Variants in BAZ2B observed in about 807,000 individuals in gnomAD.
The protein encoded by BAZ2B is bromodomain adjacent to zinc finger domain protein 2B.
In BAZ2B, 91 loss-of-function variants were observed where a neutral mutation model predicts 246.0. The ratio of observed to expected loss-of-function variants is 0.37; its 90% CI spans 0.31 to 0.44. The LOEUF (loss-of-function observed/expected upper bound fraction) is 0.44, where lower values mean the gene tolerates loss of function less well. BAZ2B is among the 20% of genes least tolerant of loss of function. The pLI, the probability that BAZ2B is intolerant of heterozygous loss-of-function variation, is 1.00. For synonymous variants in BAZ2B, 855 were observed against 860.0 expected, an observed-to-expected ratio of 0.99 and a Z score of 0.10; for missense variants, 2,332 against 2,533.7, an observed-to-expected ratio of 0.92 and a Z score of 1.71.
intron 2 of BAZ2B, among the ~76,000 whole-genome samples, chr2:159,492,860 G>GTTATCTGTTT (rs2080653289): frequency 6.6e-6 from 1 of 151,996 alleles, no homozygotes; most frequent in Non-Finnish European, 1.5e-5. Context: ...TATTTTTGTT[G>GTTATCTGTTT]TTATCTGTTT....
intron 31 of BAZ2B, 152 bp from the exon 32 acceptor site, chr2:159,337,924 A>G: frequency 1.4e-6 from 1 of 702,594 alleles, no homozygotes; most frequent in East Asian, 2.9e-5. Flanking sequence ...CTAGGTGGAA[A>G]TAAGAAGAAA....
the BAZ2B span, among the ~76,000 whole-genome samples, chr2:159,708,292 T>C: frequency 2.0e-5 from 3 of 152,184 alleles, no homozygotes; most frequent in Non-Finnish European, 2.9e-5. Flanking sequence ...TGAGGCCTCA[T>C]GTACTTAAAA....
chr2:159,356,414 C>T (rs1319589265), intron 27 of BAZ2B, among the ~76,000 whole-genome samples: 1 of 152,218 alleles, frequency 6.6e-6, no homozygotes, highest in Admixed American at 6.5e-5. Flanking sequence ...CTCAGCAAAG[C>T]CGCTGTAGCC....
At chr2:159,710,642 C>T in the BAZ2B span, 2 of 152,160 alleles carry the variant, frequency 1.3e-5, no homozygotes, top group Non-Finnish European at 2.9e-5. Flanking sequence ...ACATATTCAT[C>T]AGTGGTCTTT....
At chr2:159,465,932 A>G (rs2076985450) in intron 3 of BAZ2B, among the ~76,000 whole-genome samples, 1 of 151,878 alleles carries the variant, frequency 6.6e-6, no homozygotes, top group South Asian at 2.1e-4. Flanking sequence ...AAAAAATTCA[A>G]GAGACTTTAT....
chr2:159,697,372 T>C, the BAZ2B span, among the ~76,000 whole-genome samples: 2 of 152,168 alleles, frequency 1.3e-5, no homozygotes, highest in Non-Finnish European at 2.9e-5. Context: ...TTCCAAAAGA[T>C]ACTATACTCC....
At chr2:159,339,907 C>T (rs2066328767) in intron 31 of BAZ2B, among the ~76,000 whole-genome samples, 2 of 151,908 alleles carry the variant, frequency 1.3e-5, no homozygotes, top group Non-Finnish European at 2.9e-5. Flanking sequence ...TTGGTGGTTA[C>T]CAGAGGCTGA....
intron 25 of BAZ2B, among the ~76,000 whole-genome samples, chr2:159,375,358 T>C (rs765391730): frequency 1.3e-5 from 2 of 152,330 alleles, no homozygotes; most frequent in South Asian, 2.1e-4. Context: ...GGAGGCTTTA[T>C]GAAGAAGTCA....
At chr2:159,615,555 A>C (rs1156714279) in intron 1 of BAZ2B, 1 of 152,094 alleles carries the variant, frequency 6.6e-6, no homozygotes, top group African/African-American at 2.4e-5. Flanking sequence ...TAGAGGCCCA[A>C]GCCGGGGAGT....
intron 4 of BAZ2B, among the ~76,000 whole-genome samples, chr2:159,451,228 T>C (rs185524489): frequency 9.8e-5 from 15 of 152,318 alleles, no homozygotes; most frequent in Admixed American, 3.9e-4. Flanking sequence ...CATGAAATAC[T>C]ATTTCAATAT....
chr2:159,452,556 C>A (rs958988420), intron 4 of BAZ2B, among the ~76,000 whole-genome samples: 1 of 152,156 alleles, frequency 6.6e-6, no homozygotes, highest in African/African-American at 2.4e-5. Context: ...TATGCTATAA[C>A]GTTTTAAATT....
At chr2:159,708,282 T>C in the BAZ2B span, among the ~76,000 whole-genome samples, 1 of 152,184 alleles carries the variant, frequency 6.6e-6, no homozygotes, top group Non-Finnish European at 1.5e-5. Flanking sequence ...GGAGATGGAA[T>C]GAGGCCTCAT....
At chr2:159,433,772 C>T (rs1415706753) in intron 8 of BAZ2B, 2 of 163,834 alleles carry the variant, frequency 1.2e-5, no homozygotes, top group South Asian at 1.6e-4. Flanking sequence ...CATTCTTTGC[C>T]TCTTTCCTTT....
At chr2:159,480,582 G>GCA (rs146050290) in intron 2 of BAZ2B, among the ~76,000 whole-genome samples, 97 of 150,570 alleles carry the variant, frequency 6.4e-4, no homozygotes, top group East Asian at 1.2e-3. Flanking sequence ...GTGTGCGCGT[G>GCA]CACACACACA....
Position 159,324,877 on chromosome 2 carries a change from C to T in BAZ2B, c.6287G>A (p.Gly2096Asp). ...AGGCTTCTTAATAACTTTCTTATAA[C>T]CAGGAACAAGTTTCAAGTTTACAGG... ...LLPVNLKLVP[G>D]YKKVIKKPMD... The change falls in exon 36 of 37, where the codon GGT becomes GAT. Residue 2096 changes from glycine (G) to aspartate (D), a missense_variant. Gly to Asp is a moderately conservative substitution (Grantham distance 94, BLOSUM62 -1). Transcript: ENST00000392783. 3.2e-6 allele frequency: 5 copies of T among 1,553,688 alleles called. No homozygotes were observed. In the South Asian group the frequency reaches 5.0e-5, roughly 16 times the overall value.
intron 1 of BAZ2B, among the ~76,000 whole-genome samples, chr2:159,591,896 CA>C (rs1459903633): frequency 2.0e-5 from 3 of 152,076 alleles, no homozygotes; most frequent in African/African-American, 7.2e-5. Flanking sequence ...TTAAGCTAAG[CA>C]AAGCAGCTAC....
intron 33 of BAZ2B, 83 bp downstream of exon 33, chr2:159,336,859 T>G: frequency 8.4e-7 from 1 of 1,186,374 alleles, no homozygotes; most frequent in Non-Finnish European, 1.2e-6. Context: ...CAATAGGTAA[T>G]GTATAATTAA....
the BAZ2B span, among the ~76,000 whole-genome samples, chr2:159,630,566 C>T: frequency 1.3e-5 from 2 of 150,964 alleles, no homozygotes; most frequent in Non-Finnish European, 2.9e-5. Flanking sequence ...CGGAGTCTCG[C>T]TCTGTCGCCC....
In BAZ2B at chr2:159,433,159, T is replaced by G; in HGVS notation, c.1498A>C (p.Ser500Arg). Residue 500 changes from serine to arginine, a missense_variant, in exon 9 of 37, where the codon AGT becomes CGT. Around this residue, in one of 9 missense-constraint regions of BAZ2B, gnomAD observed 651 missense variants for 650.9 expected, o/e 1.00. Coordinates refer to ENST00000392783, the MANE Select transcript of BAZ2B (RefSeq NM_013450.4). ...GNHQPNGVIQSVIQEAPLALT... is the reference protein window; with the variant it reads ...GNHQPNGVIQRVIQEAPLALT... The stretch of plus-strand genomic sequence containing the variant: ...GCTAGAGGAGCTTCTTGAATGACAC[T>G]TTGAATAACTCCATTTGGTTGGTGA... 4 of 1,614,194 alleles carry G rather than the reference T, an allele frequency of 2.5e-6. No homozygotes were observed. The South Asian group carries it at 4.4e-5, about 18-fold the overall frequency.
Sources: allele counts gnomAD v4.1 joint callset (sites outside exome capture counted in the v4.1 genomes callset), GRCh38; gene constraint gnomAD v4.1.1; regional missense constraint gnomAD v4.1.1; transcripts MANE v1.5; gene names NCBI Gene and HGNC (gene_info 2026-07-23, HGNC 2026-07-21).